SGSM3: variants seen among roughly 807,000 people sequenced by gnomAD.
The protein encoded by SGSM3 is RUN and SH3 containing 3.
SGSM3 carries 96 observed loss-of-function variants against 100.5 expected under a neutral mutation model. That is an observed-to-expected ratio of 0.96 (90% CI 0.81 to 1.13). The LOEUF (loss-of-function observed/expected upper bound fraction) is 1.13, where lower values mean the gene tolerates loss of function less well. SGSM3 is among the 50% of genes most tolerant of loss of function. SGSM3 has a pLI of 0.00. For synonymous variants in SGSM3, 483 were observed against 422.8 expected (o/e 1.14, Z -1.75); for missense variants, 1,001 against 1,015.8 (o/e 0.99, Z 0.20).
Position 40,407,999 on chromosome 22 carries a change from C to T in SGSM3, c.1580-72C>T, listed in dbSNP as rs2051872857. On this transcript the variant is annotated intron_variant, in intron 14 of 21. Coordinates refer to ENST00000248929, the MANE Select transcript of SGSM3 (RefSeq NM_015705.6). The surrounding 1 kb of genome is among the most constrained non-coding windows in gnomAD (Gnocchi z 4.7). ...TGAGCCGGCTTCCCACTGCCTCAGCCTGCCTGCAGGCTGTGTCTGCTCTGT... is the reference window on the plus strand; with the variant it reads ...TGAGCCGGCTTCCCACTGCCTCAGCTTGCCTGCAGGCTGTGTCTGCTCTGT... The T allele has an allele frequency of 6.5e-7, 1 of 1,539,862 alleles. No homozygotes were observed. Among genetic ancestry groups the T allele is most frequent in the South Asian group, 1.2e-5 (1 of 85,244 alleles).
intron 6 of SGSM3, 122 bp from the exon 7 acceptor site, chr22:40,405,019 G>A: frequency 7.5e-7 from 1 of 1,334,320 alleles, no homozygotes; most frequent in Non-Finnish European, 1.0e-6. Context: ...AAGGGAGGAG[G>A]GTGACCTTGA....
At position 40,404,657 on chromosome 22, in the gene SGSM3, C is replaced by G. The variant is rs1182530083; in HGVS notation, c.467C>G (p.Ala156Gly). ...KNSSNDETIA[A>G]KQIEKDLLRT... Reference sequence around the variant, plus strand: ...AGCTCCAACGATGAGACCATCGCTGCCAAGCAGGTGAGGCCGGTGGCACTG... The same window carrying G: ...AGCTCCAACGATGAGACCATCGCTGGCAAGCAGGTGAGGCCGGTGGCACTG... Residue 156 changes from alanine (A) to glycine (G), a missense_variant, in exon 6 of 22, where the codon GCC becomes GGC. Transcript: ENST00000248929. The G allele has an allele frequency of 6.2e-7, 1 of 1,608,326 alleles. No homozygotes were observed.
At chr22:40,370,867 C>G (rs1264309798) in intron 1 of SGSM3, among the ~76,000 whole-genome samples, 179 bp downstream of exon 1, 1 of 152,106 alleles carries the variant, frequency 6.6e-6, no homozygotes, top group Non-Finnish European at 1.5e-5. Flanking sequence ...CTCGCGTCGC[C>G]GTTGGAATGG....
At chr22:40,403,407 C>T (rs1471625315) in intron 4 of SGSM3, among the ~76,000 whole-genome samples, 2 of 152,168 alleles carry the variant, frequency 1.3e-5, no homozygotes, top group African/African-American at 2.4e-5. Flanking sequence ...AGCTGCATCC[C>T]TGCAGGCCCC....
In SGSM3 at chr22:40,409,234, C is replaced by G. The variant is rs375571406; in HGVS notation, c.1989-16C>G. On this transcript the variant is annotated splice_polypyrimidine_tract_variant and intron_variant, in intron 19 of 21. Coordinates refer to ENST00000248929, the MANE Select transcript of SGSM3 (RefSeq NM_015705.6). ...CTGGAGCTGCCCCTGCTCCCCACTC[C>G]TGGCCATGTCCCCAGTGAGCAGGTG... is the stretch of plus-strand genomic sequence containing the variant. 22 of 1,592,288 alleles carry G rather than the reference C, an allele frequency of 1.4e-5. No homozygotes were observed. In the African/African-American group the frequency reaches 2.5e-4, roughly 18 times the overall value.
intron 1 of SGSM3, among the ~76,000 whole-genome samples, 154 bp downstream of exon 1, chr22:40,370,842 G>A (rs1055981127): frequency 6.6e-5 from 10 of 152,302 alleles, no homozygotes; most frequent in Admixed American, 1.3e-4. Context: ...CCGGAGAGCC[G>A]CCGGGCCGAC....
Position 40,409,995 on chromosome 22 carries a change from TGTGAG to T in SGSM3, c.*238_*242del. 7.5e-7 allele frequency: 1 copy of T among 1,325,950 alleles called. No homozygotes were observed. The highest frequency in any genetic ancestry group is 9.6e-7 in the Non-Finnish European group (1 of 1,043,542). The allele number at this position is 1,325,950 out of a possible 1,614,324, so 82.1% of individuals were successfully genotyped here. A position where few individuals can be genotyped will look rare whatever the true frequency, so the allele number is the denominator to read the frequency against. ...AAACCACAGTTTGTACCAAAAACCT[TGTGAG>T]GAGGTGGGGGAGCCATGTCTGTGCT... On this transcript the variant is annotated 3_prime_UTR_variant, in exon 22 of 22. Transcript: ENST00000248929.
At chr22:40,405,348 G>A in intron 7 of SGSM3, 64 bp downstream of exon 7, 1 of 1,393,076 alleles carries the variant, frequency 7.2e-7, no homozygotes, top group South Asian at 1.6e-5. Context: ...CTAACAAGGA[G>A]TGGCCTCCCG....
intron 1 of SGSM3, among the ~76,000 whole-genome samples, chr22:40,374,907 C>G (rs2046300794): frequency 6.6e-6 from 1 of 152,146 alleles, no homozygotes; most frequent in African/African-American, 2.4e-5. Context: ...TGTACCAGTA[C>G]TATCAGTAGT....
chr22:40,399,228 C>T (rs555539282), intron 1 of SGSM3, among the ~76,000 whole-genome samples: 2 of 147,642 alleles, frequency 1.4e-5, no homozygotes, highest in East Asian at 2.0e-4. Flanking sequence ...TCAAGTGATC[C>T]GCCCACCTCA....
chr22:40,407,003 T>C lies in SGSM3; in HGVS notation c.1186-14T>C, dbSNP rs758452406. 6.4e-7 allele frequency: 1 copy of C among 1,563,934 alleles called. No homozygotes were observed. The highest frequency in any genetic ancestry group is 2.4e-5 in the East Asian group (1 of 42,098). On this transcript the variant is annotated splice_polypyrimidine_tract_variant and intron_variant, in intron 10 of 21. Transcript: ENST00000248929. The surrounding 1 kb of genome is among the most constrained non-coding windows in gnomAD (Gnocchi z 4.7). ...CGGGGCCAGGACCACCCTGACCCAC[T>C]CCTCTTGGTGCAGGTTGTTCGCCGC...
intron 4 of SGSM3, among the ~76,000 whole-genome samples, chr22:40,403,207 A>G: frequency 6.6e-6 from 1 of 152,230 alleles, no homozygotes; most frequent in South Asian, 2.1e-4. Context: ...ACATTTGTGC[A>G]TTTTACTGTA....
chr22:40,398,875 C>G (rs61364787), intron 1 of SGSM3, among the ~76,000 whole-genome samples: 1 of 140,386 alleles, frequency 7.1e-6, no homozygotes, highest in Non-Finnish European at 1.5e-5. Flanking sequence ...TCCATTCTAT[C>G]GAAAAGAAAA....
In SGSM3 at chr22:40,398,665, T is replaced by C. The variant is rs529535079; in HGVS notation, c.-111-2031T>C. ...GGCTGTAATGGATGAATATCGGCAA[T>C]TTAATATGGTTCAACATAGTTTTTA... On this transcript the variant is annotated intron_variant, in intron 1 of 21. Transcript: ENST00000248929. Among the ~76,000 whole-genome samples the C allele has an allele frequency of 1.4e-5, 2 of 141,338 alleles. 1 individual carries two copies. The highest frequency in any genetic ancestry group is 4.4e-4 in the South Asian group (2 of 4,512). 92.7% of individuals were successfully genotyped at this position (141,338 alleles called of 152,430 possible).
rs905292146 is a variant in SGSM3, at chr22:40,375,827, C to T, written c.-112+5139C>T. On this transcript the variant is annotated intron_variant, in intron 1 of 21. Coordinates refer to ENST00000248929, the MANE Select transcript of SGSM3 (RefSeq NM_015705.6). ...CTGAGGTGGAAGGATCACTGAAGCC[C>T]AGGAGGTCAAGACCAGCCTGGGCAA... is the stretch of plus-strand genomic sequence containing the variant. Among the ~76,000 whole-genome samples the T allele has an allele frequency of 2.0e-5, 3 of 151,948 alleles. No homozygotes were observed. The East Asian group carries it at 5.8e-4, about 29-fold the overall frequency.
rs184228016 is a variant in SGSM3, at chr22:40,386,077, G to T, written c.-111-14619G>T. 2.5e-3 allele frequency among the ~76,000 whole-genome samples: 368 copies of T among 149,282 alleles called. 1 individual carries two copies. The highest frequency in any genetic ancestry group is 2.5e-3 in the Non-Finnish European group (171 of 67,276). On this transcript the variant is annotated intron_variant, in intron 1 of 21. Transcript: ENST00000248929. ...CTATTTTTAGTAGAGACAGGGTTTT[G>T]CCATGTTGCCCAGGCTGGTCTTGAA...
chr22:40,397,659 C>T (rs1037335431), intron 1 of SGSM3, among the ~76,000 whole-genome samples: 1 of 152,126 alleles, frequency 6.6e-6, no homozygotes, highest in African/African-American at 2.4e-5. Flanking sequence ...AGGCTGTTTC[C>T]TCCCACTCTT....
At chr22:40,381,367 T>C (rs2047553088) in intron 1 of SGSM3, among the ~76,000 whole-genome samples, 1 of 152,150 alleles carries the variant, frequency 6.6e-6, no homozygotes, top group Non-Finnish European at 1.5e-5. Flanking sequence ...GAGGCTGGTC[T>C]CAAACTCTTG....
At chr22:40,402,696 G>A (rs187017147) in intron 4 of SGSM3, among the ~76,000 whole-genome samples, 123 of 152,284 alleles carry the variant, frequency 8.1e-4, no homozygotes, top group Non-Finnish European at 1.6e-3. Flanking sequence ...CTGAGACTGC[G>A]CCACTGCACT....
Sources: gnomAD v4.1 joint callset for allele counts (sites outside exome capture counted in the v4.1 genomes callset) on GRCh38, gnomAD v4.1.1 for gene constraint, Gnocchi (gnomAD v3.1) non-coding constraint, MANE v1.5 for transcripts, NCBI Gene and HGNC (gene_info 2026-07-23, HGNC 2026-07-21) for gene names.